The following SLC35F4 variants were observed in gnomAD, a reference collection of about 807,000 sequenced individuals.
The protein encoded by SLC35F4 is solute carrier family 35 member F4.
In SLC35F4, 24 loss-of-function variants were observed where a neutral mutation model predicts 44.2. That is an observed-to-expected ratio of 0.54 (90% CI 0.39 to 0.76). The LOEUF (loss-of-function observed/expected upper bound fraction) is 0.76, where lower values mean the gene tolerates loss of function less well. Among genes scored for constraint, SLC35F4 ranks in the 30% least tolerant of loss-of-function variants. The pLI is 0.00. For missense variants in SLC35F4, 562 were observed against 586.1 expected (o/e 0.96, Z 0.42); for synonymous variants, 238 against 223.6 (o/e 1.06, Z -0.57).
intron 3 of SLC35F4, among the ~76,000 whole-genome samples, chr14:57,584,288 A>T (rs911357208): frequency 6.6e-6 from 1 of 152,204 alleles, no homozygotes; most frequent in African/African-American, 2.4e-5. Flanking sequence ...CTTCATTGAA[A>T]ATTATTTTGA....
At chr14:57,769,663 TAGTC>T (rs1250954695) in intron 1 of SLC35F4, among the ~76,000 whole-genome samples, 4 of 152,244 alleles carry the variant, frequency 2.6e-5, no homozygotes, top group East Asian at 1.9e-4. Context: ...CAGAAAAACT[TAGTC>T]AGTGCTAGAA....
chr14:57,589,104 G>C, intron 3 of SLC35F4, 112 bp downstream of exon 3: 3 of 1,182,588 alleles, frequency 2.5e-6, no homozygotes, highest in Non-Finnish European at 3.6e-6. Flanking sequence ...CTTAGATCTT[G>C]TTTCTTCACA....
intron 1 of SLC35F4, among the ~76,000 whole-genome samples, chr14:57,962,639 G>T (rs1890359886): frequency 6.6e-6 from 1 of 152,208 alleles, no homozygotes; most frequent in Non-Finnish European, 1.5e-5. Flanking sequence ...ATTAAATAAG[G>T]TCATGATTGA....
chr14:57,902,028 A>C (rs1052876910), intron 1 of SLC35F4, among the ~76,000 whole-genome samples: 1 of 152,162 alleles, frequency 6.6e-6, no homozygotes, highest in African/African-American at 2.4e-5. Context: ...ATTTGCCTTA[A>C]AGAAGGCATC....
At chr14:57,579,361 C>T (rs2069064961) in intron 4 of SLC35F4, 1 of 152,168 alleles carries the variant, frequency 6.6e-6, no homozygotes, top group Non-Finnish European at 1.5e-5. Context: ...TTAAAATCTG[C>T]TATTTAAAGA....
intron 1 of SLC35F4, among the ~76,000 whole-genome samples, chr14:57,644,217 A>C (rs1470099498): frequency 6.6e-6 from 1 of 152,166 alleles, no homozygotes; most frequent in Non-Finnish European, 1.5e-5. Context: ...TGGTTGAACT[A>C]GTTTACAGTC....
intron 1 of SLC35F4, among the ~76,000 whole-genome samples, chr14:57,688,928 G>A (rs1455970657): frequency 6.6e-6 from 1 of 152,146 alleles, no homozygotes; most frequent in Non-Finnish European, 1.5e-5. Context: ...CAGTATGATG[G>A]TTAGTACTAG....
intron 1 of SLC35F4, among the ~76,000 whole-genome samples, chr14:57,646,063 A>G (rs1264975252): frequency 2.0e-5 from 3 of 152,166 alleles, no homozygotes; most frequent in Admixed American, 6.6e-5. Flanking sequence ...ATGTTCATCA[A>G]GGATATTGGC....
chr14:57,637,235 A>C (rs192543723), intron 1 of SLC35F4, among the ~76,000 whole-genome samples: 9 of 152,246 alleles, frequency 5.9e-5, no homozygotes, highest in African/African-American at 2.2e-4. Flanking sequence ...AACCTGTAGA[A>C]AAAAGTGTCT....
intron 1 of SLC35F4, among the ~76,000 whole-genome samples, chr14:57,706,018 C>T (rs1437598088): frequency 6.6e-6 from 1 of 152,168 alleles, no homozygotes; most frequent in Non-Finnish European, 1.5e-5. Context: ...AAGAAAGCAT[C>T]TCTAAAACTT....
chr14:57,856,864 A>T (rs982069449), intron 1 of SLC35F4, among the ~76,000 whole-genome samples: 9 of 152,156 alleles, frequency 5.9e-5, no homozygotes, highest in Admixed American at 2.6e-4. Flanking sequence ...AGAGTTATAC[A>T]GTATTAATAT....
At chr14:57,598,399 G>A (rs377154736) in intron 1 of SLC35F4, among the ~76,000 whole-genome samples, 2 of 152,218 alleles carry the variant, frequency 1.3e-5, no homozygotes, top group African/African-American at 4.8e-5. Context: ...AAGGAGTGGA[G>A]CTGAGAATAA....
intron 1 of SLC35F4, among the ~76,000 whole-genome samples, chr14:57,622,654 C>G (rs1436567059): frequency 6.6e-6 from 1 of 151,962 alleles, no homozygotes; most frequent in African/African-American, 2.4e-5. Context: ...GAACATCACA[C>G]TCTGGGGACT....
rs142532737 is a variant in SLC35F4, at chr14:57,909,738, G to A, written n.282+72175C>T. On this transcript the variant is annotated intron_variant and non_coding_transcript_variant, in intron 1 of 1. Transcript: ENST00000556568. Reference sequence around the variant, plus strand: ...TTGCCTACTGAGGGATATGTTGGTTGCTTCCAAGTTTTGGCAATTATGAAT... The same window carrying A: ...TTGCCTACTGAGGGATATGTTGGTTACTTCCAAGTTTTGGCAATTATGAAT... 7.2e-5 allele frequency among the ~76,000 whole-genome samples: 11 copies of A among 152,194 alleles called. No individual in the cohort carries two copies. In the East Asian group the frequency reaches 2.1e-3, roughly 29 times the overall value.
chr14:57,878,923 C>T (rs1227720482), intron 1 of SLC35F4, among the ~76,000 whole-genome samples: 1 of 152,122 alleles, frequency 6.6e-6, no homozygotes, highest in African/African-American at 2.4e-5. Flanking sequence ...TAAGAAACAA[C>T]AAGTATAAAG....
At chr14:57,646,250 T>A (rs1412023575) in intron 1 of SLC35F4, among the ~76,000 whole-genome samples, 3 of 152,182 alleles carry the variant, frequency 2.0e-5, no homozygotes, top group Non-Finnish European at 1.5e-5. Flanking sequence ...ATCCATCTGG[T>A]CCTGGACTTT....
chr14:57,743,163 C>A (rs2076661614), intron 1 of SLC35F4, among the ~76,000 whole-genome samples: 1 of 152,124 alleles, frequency 6.6e-6, no homozygotes, highest in Non-Finnish European at 1.5e-5. Flanking sequence ...ATGAAAAGAA[C>A]TAGAGAATCA....
chr14:57,741,830 C>T (rs1035380483), intron 1 of SLC35F4, among the ~76,000 whole-genome samples: 2 of 152,140 alleles, frequency 1.3e-5, no homozygotes, highest in African/African-American at 2.4e-5. Flanking sequence ...AGAGAAAGGT[C>T]GGGTTACCCA....
intron 1 of SLC35F4, among the ~76,000 whole-genome samples, chr14:57,934,034 A>T (rs1211025141): frequency 6.6e-6 from 1 of 152,178 alleles, no homozygotes; most frequent in Non-Finnish European, 1.5e-5. Context: ...ATCAAAGTCC[A>T]ATTGCGTGAG....
Sources: gnomAD v4.1 joint callset for allele counts (sites outside exome capture counted in the v4.1 genomes callset) on GRCh38, gnomAD v4.1.1 for gene constraint, MANE v1.5 for transcripts, NCBI Gene and HGNC (gene_info 2026-07-23, HGNC 2026-07-21) for gene names.